Variants in NCALD observed in about 807,000 individuals in gnomAD.
NCALD encodes neurocalcin delta.
A neutral mutation model predicts 18.6 loss-of-function variants in NCALD; 10 were observed. The observed-to-expected ratio is 0.54, with a 90% CI of 0.33 to 0.91. The LOEUF is 0.91. Among genes scored for constraint, NCALD ranks in the 40% least tolerant of loss-of-function variants. NCALD has a pLI of 0.03. For synonymous variants in NCALD, 88 were observed against 87.4 expected (o/e 1.01, Z -0.04); for missense variants, 184 against 247.6 (o/e 0.74, Z 1.72).
intron 2 of NCALD, among the ~76,000 whole-genome samples, chr8:101,955,831 G>T (rs1819603260): frequency 6.6e-6 from 1 of 152,112 alleles, no homozygotes; most frequent in Non-Finnish European, 1.5e-5. Context: ...TTAGATACTA[G>T]TATTGTAGTA....
intron 1 of NCALD, among the ~76,000 whole-genome samples, chr8:102,067,739 C>T (rs1315240483): frequency 6.6e-6 from 1 of 152,114 alleles, no homozygotes; most frequent in African/African-American, 2.4e-5. Flanking sequence ...AGTAACACAC[C>T]TCACTATCCT....
At chr8:101,917,990 T>A (rs537886155) in intron 2 of NCALD, among the ~76,000 whole-genome samples, 1 of 152,138 alleles carries the variant, frequency 6.6e-6, no homozygotes, top group South Asian at 2.1e-4. Flanking sequence ...AAAGCCAGCA[T>A]CACTCTGATA....
chr8:101,810,217 A>G (rs1281898917), intron 4 of NCALD, among the ~76,000 whole-genome samples: 1 of 152,196 alleles, frequency 6.6e-6, no homozygotes, highest in Non-Finnish European at 1.5e-5. Context: ...GGACTCCCCA[A>G]ATATGACTTT....
intron 1 of NCALD, among the ~76,000 whole-genome samples, chr8:101,737,614 G>A (rs1190504236): frequency 1.3e-5 from 2 of 152,166 alleles, no homozygotes; most frequent in Admixed American, 1.3e-4. Flanking sequence ...GAAGCTCGGA[G>A]GAGAATAAAA....
At chr8:101,808,167 ACC>A (rs1213617600) in intron 4 of NCALD, among the ~76,000 whole-genome samples, 1 of 152,174 alleles carries the variant, frequency 6.6e-6, no homozygotes, top group Non-Finnish European at 1.5e-5. Context: ...CTTAGTGGTC[ACC>A]CAGTCCTAAC....
At chr8:102,105,585 C>T (rs1331664348) in intron 1 of NCALD, among the ~76,000 whole-genome samples, 1 of 152,020 alleles carries the variant, frequency 6.6e-6, no homozygotes. Flanking sequence ...AGGGGCCATA[C>T]GTAAGATAAA....
intron 1 of NCALD, among the ~76,000 whole-genome samples, chr8:102,114,418 G>A (rs576566134): frequency 6.6e-6 from 1 of 152,340 alleles, no homozygotes; most frequent in Non-Finnish European, 1.5e-5. Context: ...CTACAGAGGA[G>A]TCCTACTGAA....
chr8:101,693,063 C>T (rs1245746083), intron 2 of NCALD, 167 bp from the exon 3 acceptor site: 4 of 528,198 alleles, frequency 7.6e-6, no homozygotes, highest in South Asian at 2.1e-5. Context: ...GTAGAAGAAG[C>T]CGGGCCCACA....
At chr8:101,938,546 T>A (rs1230934811) in intron 2 of NCALD, among the ~76,000 whole-genome samples, 1 of 152,184 alleles carries the variant, frequency 6.6e-6, no homozygotes, top group African/African-American at 2.4e-5. Context: ...TATATCGGGA[T>A]AATAATGCGA....
At chr8:101,957,548 C>G (rs1419894044) in intron 2 of NCALD, among the ~76,000 whole-genome samples, 1 of 151,954 alleles carries the variant, frequency 6.6e-6, no homozygotes, top group Non-Finnish European at 1.5e-5. Context: ...TTGGAAAACT[C>G]GCTGGCAGCC....
intron 1 of NCALD, among the ~76,000 whole-genome samples, chr8:102,073,271 A>G (rs1349933904): frequency 7.2e-5 from 11 of 152,214 alleles, no homozygotes; most frequent in Admixed American, 7.2e-4. Context: ...ACTGCATTGC[A>G]GCCTGGGCAA....
intron 1 of NCALD, among the ~76,000 whole-genome samples, chr8:102,105,695 T>C (rs1240670167): frequency 2.0e-5 from 3 of 152,142 alleles, no homozygotes; most frequent in African/African-American, 4.8e-5. Context: ...GTCCCTTGTT[T>C]TGAACCCCAT....
At chr8:101,817,964 C>T (rs190385694) in intron 4 of NCALD, among the ~76,000 whole-genome samples, 9 of 152,232 alleles carry the variant, frequency 5.9e-5, no homozygotes, top group Admixed American at 3.9e-4. Flanking sequence ...TAAATCTGTA[C>T]GGTGGACTCT....
intron 1 of NCALD, among the ~76,000 whole-genome samples, chr8:102,118,988 A>G (rs1466628477): frequency 1.3e-5 from 2 of 152,232 alleles, no homozygotes; most frequent in Admixed American, 1.3e-4. Flanking sequence ...GGTATGTTAA[A>G]TGGTACCACC....
chr8:101,885,115 A>T (rs759546427), intron 4 of NCALD, among the ~76,000 whole-genome samples: 1 of 152,188 alleles, frequency 6.6e-6, no homozygotes, highest in Non-Finnish European at 1.5e-5. Flanking sequence ...TATAACTAAG[A>T]AGCTAGTCAC....
intron 3 of NCALD, among the ~76,000 whole-genome samples, chr8:101,891,078 T>C (rs1193404128): frequency 2.0e-5 from 3 of 152,108 alleles, no homozygotes; most frequent in African/African-American, 7.2e-5. Context: ...TTTTCACATA[T>C]AAATAAGCCC....
At chr8:101,995,435 C>G (rs1821202278) in intron 2 of NCALD, among the ~76,000 whole-genome samples, 1 of 152,164 alleles carries the variant, frequency 6.6e-6, no homozygotes, top group Non-Finnish European at 1.5e-5. Context: ...GCTCACGGTT[C>G]TGCAGGCTGT....
chr8:101,730,557 CTTTCAAATTGCTAAATTTTCAT>C (rs1816783331), intron 1 of NCALD, among the ~76,000 whole-genome samples: 1 of 150,614 alleles, frequency 6.6e-6, no homozygotes, highest in Non-Finnish European at 1.5e-5. Context: ...CTCATTTACC[CTTTCAAATTGCTAAATTTTCAT>C]TTATCGATGG....
chr8:101,775,826 C>T (rs1811768937), intron 1 of NCALD, among the ~76,000 whole-genome samples: 2 of 152,212 alleles, frequency 1.3e-5, no homozygotes, highest in South Asian at 4.1e-4. Context: ...ACTGACTTTA[C>T]ACTTAGCATT....
Sources: allele counts gnomAD v4.1 joint callset (sites outside exome capture counted in the v4.1 genomes callset), GRCh38; gene constraint gnomAD v4.1.1; transcripts MANE v1.5; gene names NCBI Gene and HGNC (gene_info 2026-07-23, HGNC 2026-07-21).